The following PCCA variants were observed in gnomAD, a reference collection of about 807,000 sequenced individuals.
PCCA encodes propionyl-CoA carboxylase alpha chain, mitochondrial.
Under a neutral mutation model 101.3 loss-of-function variants are expected in PCCA, and 74 were observed. The observed-to-expected ratio is 0.73, with a 90% CI of 0.61 to 0.89. The LOEUF (loss-of-function observed/expected upper bound fraction) is 0.89. Among genes scored for constraint, PCCA ranks in the 40% least tolerant of loss-of-function variants. The pLI, the probability that PCCA is intolerant of heterozygous loss-of-function variation, is 0.00. For missense variants in PCCA, 891 were observed against 907.0 expected (o/e 0.98, Z 0.23); for synonymous variants, 294 against 313.6 (o/e 0.94, Z 0.66).
intron 4 of PCCA, among the ~76,000 whole-genome samples, chr13:100,142,475 C>CTTT (rs772422421): frequency 3.7e-5 from 5 of 136,314 alleles, no homozygotes; most frequent in African/African-American, 5.5e-5. Flanking sequence ...AATGAGCCTT[C>CTTT]TTTTTTTTTT....
chr13:100,302,880 A>C, intron 13 of PCCA, 44 bp from the exon 14 acceptor site: 1 of 1,086,610 alleles, frequency 9.2e-7, no homozygotes, highest in Middle Eastern at 2.0e-4. Context: ...ACTTGTGCTG[A>C]TTTATATTTC....
chr13:100,224,871 G>A (rs2060058861), intron 7 of PCCA, among the ~76,000 whole-genome samples: 1 of 152,166 alleles, frequency 6.6e-6, no homozygotes, highest in African/African-American at 2.4e-5. Context: ...TGAGAACTCT[G>A]GAAAACTGCA....
intron 7 of PCCA, among the ~76,000 whole-genome samples, chr13:100,212,567 G>A (rs1330829134): frequency 6.6e-6 from 1 of 151,906 alleles, no homozygotes; most frequent in Non-Finnish European, 1.5e-5. Context: ...TTCTTTCTTT[G>A]CCCGTACTAA....
At chr13:100,410,900 G>A (rs1413288365) in intron 19 of PCCA, among the ~76,000 whole-genome samples, 4 of 152,010 alleles carry the variant, frequency 2.6e-5, no homozygotes, top group Non-Finnish European at 4.4e-5. Flanking sequence ...TATATTTAAA[G>A]TAGAAGATTT....
chr13:100,315,702 A>G (rs2067282025), intron 16 of PCCA, among the ~76,000 whole-genome samples: 1 of 152,188 alleles, frequency 6.6e-6, no homozygotes. Flanking sequence ...GCAGGCAGTC[A>G]GGGGAAGGCC....
At chr13:100,203,328 G>A (rs1311768765) in intron 6 of PCCA, among the ~76,000 whole-genome samples, 1 of 151,426 alleles carries the variant, frequency 6.6e-6, no homozygotes, top group Non-Finnish European at 1.5e-5. Flanking sequence ...GTATTGGTAT[G>A]TTTTTCTCCT....
At chr13:100,477,034 T>C (rs899655071) in intron 21 of PCCA, among the ~76,000 whole-genome samples, 2 of 152,254 alleles carry the variant, frequency 1.3e-5, no homozygotes, top group Non-Finnish European at 2.9e-5. Context: ...TCAGTAATTC[T>C]ATCCCATCTG....
chr13:100,203,898 C>A (rs1403899957), intron 6 of PCCA, among the ~76,000 whole-genome samples: 2 of 152,100 alleles, frequency 1.3e-5, no homozygotes, highest in African/African-American at 4.8e-5. Context: ...GTAATCTCCC[C>A]AGTATTCTTT....
chr13:100,300,166 A>T (rs150893005), intron 12 of PCCA, among the ~76,000 whole-genome samples: 3 of 152,240 alleles, frequency 2.0e-5, no homozygotes, highest in African/African-American at 7.2e-5. Flanking sequence ...TCAAAAATAC[A>T]TATTTTAAAC....
chr13:100,130,713 A>G (rs1298353132), intron 4 of PCCA, among the ~76,000 whole-genome samples: 1 of 152,180 alleles, frequency 6.6e-6, no homozygotes, highest in Non-Finnish European at 1.5e-5. Flanking sequence ...TCAAATGGAT[A>G]GTAGGTATTT....
intron 20 of PCCA, among the ~76,000 whole-genome samples, chr13:100,439,421 C>G (rs1364684400): frequency 6.6e-6 from 1 of 152,118 alleles, no homozygotes; most frequent in African/African-American, 2.4e-5. Context: ...ACAGAAGATT[C>G]GCTGTGTCCT....
chr13:100,195,502 C>T (rs1163485826), intron 6 of PCCA, among the ~76,000 whole-genome samples: 1 of 152,110 alleles, frequency 6.6e-6, no homozygotes, highest in African/African-American at 2.4e-5. Context: ...AGGAGGGAGG[C>T]TAAAATTCAT....
chr13:100,361,399 T>G (rs1427942755), intron 18 of PCCA, among the ~76,000 whole-genome samples: 1 of 151,932 alleles, frequency 6.6e-6, no homozygotes, highest in Non-Finnish European at 1.5e-5. Flanking sequence ...AAATTGAAAT[T>G]CTGTTGAGTT....
chr13:100,272,182 A>G (rs985732552), intron 11 of PCCA, among the ~76,000 whole-genome samples: 1 of 152,154 alleles, frequency 6.6e-6, no homozygotes, highest in Non-Finnish European at 1.5e-5. Context: ...CCAAACGTGC[A>G]GGATTTAGTG....
At chr13:100,171,425 T>G (rs577356092) in intron 6 of PCCA, among the ~76,000 whole-genome samples, 6 of 152,174 alleles carry the variant, frequency 3.9e-5, no homozygotes, top group Non-Finnish European at 8.8e-5. Context: ...GAGTGTGGCC[T>G]TTAAGCTGAG....
At chr13:100,447,972 T>G (rs1276968502) in intron 20 of PCCA, among the ~76,000 whole-genome samples, 3 of 152,158 alleles carry the variant, frequency 2.0e-5, no homozygotes, top group Non-Finnish European at 4.4e-5. Context: ...TAAAAAGGAA[T>G]GAAATTAGGA....
At chr13:100,150,525 C>T in intron 4 of PCCA, 1 of 1,357,626 alleles carries the variant, frequency 7.4e-7, no homozygotes, top group Non-Finnish European at 1.0e-6. Flanking sequence ...CTTCTCCAAG[C>T]TCCCCGGCGA....
At chr13:100,452,783 G>T (rs2081427168) in intron 21 of PCCA, among the ~76,000 whole-genome samples, 1 of 152,194 alleles carries the variant, frequency 6.6e-6, no homozygotes, top group African/African-American at 2.4e-5. Flanking sequence ...GTTCTGCTCA[G>T]CGTGCTCTGC....
intron 4 of PCCA, among the ~76,000 whole-genome samples, chr13:100,142,892 C>T (rs1178488688): frequency 3.3e-5 from 5 of 152,178 alleles, no homozygotes; most frequent in African/African-American, 1.2e-4. Flanking sequence ...CCCAGCATAG[C>T]GTATCAGGCT....
Sources: gnomAD v4.1 joint callset for allele counts (sites outside exome capture counted in the v4.1 genomes callset) on GRCh38, gnomAD v4.1.1 for gene constraint, MANE v1.5 for transcripts, NCBI Gene and HGNC (gene_info 2026-07-23, HGNC 2026-07-21) for gene names.